AVEN: variants seen among roughly 807,000 people sequenced by gnomAD.
The protein encoded by AVEN is cell death regulator Aven.
A neutral mutation model predicts 38.1 loss-of-function variants in AVEN; 41 were observed. The ratio of observed to expected loss-of-function variants is 1.08; its 90% CI spans 0.84 to 1.40. The LOEUF (loss-of-function observed/expected upper bound fraction) is 1.40, where lower values mean the gene tolerates loss of function less well. Ranked by LOEUF, AVEN falls within the 40% of genes most tolerant of loss-of-function variation. The pLI is 0.00. For synonymous variants in AVEN, 206 were observed against 171.8 expected (o/e 1.20, Z -1.56); for missense variants, 605 against 438.8 (o/e 1.38, Z -3.38).
chr15:33,896,653 C>T (rs1415930297), intron 2 of AVEN, among the ~76,000 whole-genome samples: 1 of 152,168 alleles, frequency 6.6e-6, no homozygotes, highest in Non-Finnish European at 1.5e-5. Context: ...GAATTTTTAA[C>T]AATCAACTCT....
At chr15:33,977,696 C>T (rs1895945125) in intron 2 of AVEN, among the ~76,000 whole-genome samples, 1 of 152,270 alleles carries the variant, frequency 6.6e-6, no homozygotes, top group Middle Eastern at 3.4e-3. Flanking sequence ...ATCAAACGTT[C>T]TCTATTACAC....
chr15:34,033,505 CAA>C (rs768807611), intron 1 of AVEN, among the ~76,000 whole-genome samples: 10 of 96,516 alleles, frequency 1.0e-4, no homozygotes, highest in East Asian at 6.0e-4. Flanking sequence ...GGCTCCGTCT[CAA>C]AAAAAAAAAA....
downstream of AVEN, chr15:33,865,009 G>A (rs1394746082): frequency 1.5e-6 from 1 of 675,794 alleles, no homozygotes; most frequent in Non-Finnish European, 2.6e-6. Context: ...TGAATGTGCA[G>A]GTTTGGCCTC....
intron 5 of AVEN, among the ~76,000 whole-genome samples, chr15:34,055,742 A>G (rs1252176652): frequency 6.6e-6 from 1 of 151,566 alleles, no homozygotes; most frequent in Non-Finnish European, 1.5e-5. Flanking sequence ...TGGAGCTTGC[A>G]GTGAGCCGAG....
At chr15:33,889,501 CCTGT>C (rs1891844095) in intron 2 of AVEN, among the ~76,000 whole-genome samples, 1 of 152,162 alleles carries the variant, frequency 6.6e-6, no homozygotes, top group Non-Finnish European at 1.5e-5. Flanking sequence ...CTTGAATACA[CCTGT>C]CTGACACTAC....
At chr15:34,023,238 T>C (rs1898290933) in intron 1 of AVEN, among the ~76,000 whole-genome samples, 1 of 152,038 alleles carries the variant, frequency 6.6e-6, no homozygotes, top group Non-Finnish European at 1.5e-5. Flanking sequence ...CCCACTCAGG[T>C]TGCTACTCCA....
chr15:33,857,709 G>C, downstream of AVEN: 3 of 1,574,486 alleles, frequency 1.9e-6, no homozygotes, highest in Non-Finnish European at 2.6e-6. Flanking sequence ...CGTTTTCTTA[G>C]AGTCTCCTGT....
At chr15:33,890,735 G>A (rs555665083) in intron 2 of AVEN, among the ~76,000 whole-genome samples, 34 of 152,296 alleles carry the variant, frequency 2.2e-4, no homozygotes, top group African/African-American at 7.9e-4. Flanking sequence ...ATCTCAAAAT[G>A]TAATATTCCA....
chr15:33,912,761 A>G (rs1892961501), intron 2 of AVEN, among the ~76,000 whole-genome samples: 1 of 152,244 alleles, frequency 6.6e-6, no homozygotes, highest in South Asian at 2.1e-4. Flanking sequence ...TGGTGGCAAA[A>G]GGAAAAAACT....
chr15:34,015,243 G>A (rs759886773), intron 1 of AVEN, among the ~76,000 whole-genome samples: 18 of 152,062 alleles, frequency 1.2e-4, no homozygotes, highest in Non-Finnish European at 2.4e-4. Flanking sequence ...CAGCACTTTC[G>A]GAGGCCAAGG....
intron 4 of AVEN, among the ~76,000 whole-genome samples, chr15:33,869,603 C>T (rs1890848728): frequency 6.6e-6 from 1 of 152,144 alleles, no homozygotes; most frequent in Non-Finnish European, 1.5e-5. Context: ...CCATCAGAGG[C>T]AAATGTAATT....
intron 1 of AVEN, among the ~76,000 whole-genome samples, chr15:34,020,321 GA>G (rs553324117): frequency 2.7e-5 from 4 of 146,544 alleles, no homozygotes; most frequent in African/African-American, 4.9e-5. Flanking sequence ...AAAAAAAAAA[GA>G]AAAAAAAATA....
intron 2 of AVEN, among the ~76,000 whole-genome samples, chr15:33,878,226 A>T (rs1891332651): frequency 6.6e-6 from 1 of 152,190 alleles, no homozygotes; most frequent in Non-Finnish European, 1.5e-5. Flanking sequence ...TGAAACGAAG[A>T]TATGCTTTTT....
intron 2 of AVEN, among the ~76,000 whole-genome samples, chr15:33,914,538 T>C (rs1416269629): frequency 2.0e-5 from 3 of 151,162 alleles, no homozygotes; most frequent in African/African-American, 7.3e-5. Context: ...AAATATAAAA[T>C]ATGAAGCTCA....
In AVEN at chr15:33,904,859, G is replaced by C. The variant is rs370348308; in HGVS notation, c.446-28864C>G. ...AGATAACTACTTTTGGTTGGGCGTG[G>C]TGGCTCACGCCTGTAATCCCAGTAC... On this transcript the variant is annotated intron_variant, in intron 2 of 5. Transcript: ENST00000306730. 4.2e-4 allele frequency among the ~76,000 whole-genome samples: 64 copies of C among 151,930 alleles called. No individual in the cohort carries two copies. The East Asian group carries it at 0.01, about 25-fold the overall frequency.
intron 2 of AVEN, among the ~76,000 whole-genome samples, chr15:33,967,126 A>G (rs1305130106): frequency 6.6e-6 from 1 of 152,156 alleles, no homozygotes; most frequent in Admixed American, 6.5e-5. Flanking sequence ...AGTTCAAGAA[A>G]ATATTCTAAA....
At chr15:33,950,252 A>T (rs1446770608) in intron 2 of AVEN, among the ~76,000 whole-genome samples, 5 of 152,346 alleles carry the variant, frequency 3.3e-5, no homozygotes, top group Non-Finnish European at 1.5e-5. Flanking sequence ...ACAAACTTTC[A>T]GTTATGAGTA....
intron 2 of AVEN, among the ~76,000 whole-genome samples, chr15:33,904,867 C>G (rs1423057170): frequency 2.0e-5 from 3 of 151,912 alleles, no homozygotes; most frequent in Non-Finnish European, 4.4e-5. Flanking sequence ...TGGTGGCTCA[C>G]GCCTGTAATC....
intron 2 of AVEN, among the ~76,000 whole-genome samples, chr15:33,936,901 G>A (rs1218119857): frequency 2.0e-5 from 3 of 152,134 alleles, no homozygotes; most frequent in African/African-American, 2.4e-5. Flanking sequence ...GGAGGCCGAG[G>A]CGGGCGGATC....
Sources: gnomAD v4.1 joint callset for allele counts (sites outside exome capture counted in the v4.1 genomes callset) on GRCh38, gnomAD v4.1.1 for gene constraint, MANE v1.5 for transcripts, NCBI Gene and HGNC (gene_info 2026-07-23, HGNC 2026-07-21) for gene names.